SBF2: variants seen among roughly 807,000 people sequenced by gnomAD.
SBF2 encodes myotubularin-related protein 13.
Under a neutral mutation model 225.2 loss-of-function variants are expected in SBF2, and 112 were observed. The observed-to-expected ratio is 0.50, with a 90% CI of 0.43 to 0.58. SBF2 has a LOEUF of 0.58. Ranked by LOEUF, SBF2 falls within the 20% of genes least tolerant of loss-of-function variation. The pLI is 0.00. For synonymous variants in SBF2, 763 were observed against 773.3 expected (o/e 0.99, Z 0.22); for missense variants, 1,996 against 2,206.2 (o/e 0.90, Z 1.91).
intron 1 of SBF2, among the ~76,000 whole-genome samples, chr11:10,288,418 C>A (rs2135578784): frequency 6.6e-6 from 1 of 152,282 alleles, no homozygotes; most frequent in South Asian, 2.1e-4. Context: ...CAGCTCCTAG[C>A]AGAGAGGGTA....
intron 1 of SBF2, among the ~76,000 whole-genome samples, chr11:10,206,114 T>G (rs1037285988): frequency 6.0e-5 from 9 of 151,112 alleles, no homozygotes; most frequent in Admixed American, 2.0e-4. Flanking sequence ...CCACACAAAG[T>G]AGCCTGGTCC....
At chr11:9,974,296 C>T (rs1279412904) in intron 13 of SBF2, among the ~76,000 whole-genome samples, 2 of 152,028 alleles carry the variant, frequency 1.3e-5, no homozygotes, top group Admixed American at 6.5e-5. Context: ...TAATTATTTG[C>T]GATAAAGAGT....
In SBF2 at chr11:9,991,042, T is replaced by C. The variant is rs138334422; in HGVS notation, c.1296+1373A>G. On this transcript the variant is annotated intron_variant, in intron 12 of 39. Transcript: ENST00000256190. ...AAGAGTATATAAACCAATGTTACTA[T>C]TCATAAAGCTTCAAAGACTAACAAA... Among the ~76,000 whole-genome samples, 59 of 152,286 alleles carry C rather than the reference T, an allele frequency of 3.9e-4. 1 individual carries two copies. In the East Asian group the frequency reaches 9.8e-3, roughly 25 times the overall value.
chr11:9,910,548 G>A (rs112037969), intron 16 of SBF2, among the ~76,000 whole-genome samples: 9,702 of 152,126 alleles, frequency 0.064, 498 homozygotes, highest in East Asian at 0.28. Context: ...TATCACAGGA[G>A]ATGACAGCTC....
chr11:9,981,479 T>G (rs1028839134), intron 13 of SBF2, among the ~76,000 whole-genome samples: 1 of 152,224 alleles, frequency 6.6e-6, no homozygotes, highest in East Asian at 1.9e-4. Flanking sequence ...TAAAAAACGT[T>G]TGAAATCGGC....
At chr11:10,022,407 T>C (rs1272128628) in intron 6 of SBF2, among the ~76,000 whole-genome samples, 1 of 152,198 alleles carries the variant, frequency 6.6e-6, no homozygotes, top group African/African-American at 2.4e-5. Flanking sequence ...TTTAAAAATA[T>C]ATTAGTTATG....
chr11:10,207,517 T>C (rs1418031617), intron 1 of SBF2, among the ~76,000 whole-genome samples: 1 of 152,156 alleles, frequency 6.6e-6, no homozygotes, highest in East Asian at 1.9e-4. Flanking sequence ...TCTTCATGCT[T>C]ATTCCAACAA....
intron 2 of SBF2, among the ~76,000 whole-genome samples, chr11:10,092,580 G>T (rs1245264019): frequency 2.0e-5 from 3 of 152,298 alleles, no homozygotes; most frequent in African/African-American, 7.2e-5. Context: ...ATTTATCACA[G>T]ATCTGTTTTC....
intron 16 of SBF2, chr11:9,958,552 G>T (rs1386901244): frequency 5.9e-6 from 1 of 169,898 alleles, no homozygotes; most frequent in Non-Finnish European, 1.2e-5. Context: ...TAGAGACGGG[G>T]TTTCACCGTG....
intron 1 of SBF2, among the ~76,000 whole-genome samples, chr11:10,252,737 G>A (rs890411232): frequency 6.6e-6 from 1 of 151,186 alleles, no homozygotes; most frequent in African/African-American, 2.4e-5. Flanking sequence ...GTGCACCTGG[G>A]AGGCGGAGCT....
chr11:9,887,005 G>C (rs1860377979), intron 17 of SBF2, among the ~76,000 whole-genome samples: 1 of 152,042 alleles, frequency 6.6e-6, no homozygotes, highest in African/African-American at 2.4e-5. Context: ...GGTAGCATAG[G>C]ACATCAATGT....
intron 2 of SBF2, among the ~76,000 whole-genome samples, chr11:10,176,348 A>C (rs1591140666): frequency 6.6e-6 from 1 of 152,038 alleles, no homozygotes; most frequent in Middle Eastern, 3.4e-3. Flanking sequence ...ATCAGAGCAG[A>C]ACTGAAGGAA....
chr11:10,002,617 AAACTTGCAG>A lies in SBF2; in HGVS notation c.683_691del (p.Ser228_Ser230del). ...TCTACAAGCATCACTAAGTCTCTGG[AAACTTGCAG>A]AATGGAAGAGAACCTTATTTTCTGT... On this transcript the variant is annotated inframe_deletion, in exon 7 of 40. Coordinates refer to ENST00000256190, the MANE Select transcript of SBF2 (RefSeq NM_030962.4). The A allele has an allele frequency of 2.5e-6, 4 of 1,613,052 alleles. No homozygotes were observed. Among genetic ancestry groups the A allele is most frequent in the Non-Finnish European group, 3.4e-6 (4 of 1,179,054 alleles).
At chr11:9,943,548 T>C (rs1013193822) in intron 16 of SBF2, among the ~76,000 whole-genome samples, 1 of 151,328 alleles carries the variant, frequency 6.6e-6, no homozygotes, top group Non-Finnish European at 1.5e-5. Flanking sequence ...AAAGAAACAA[T>C]GCGAAAGAAA....
chr11:10,004,585 A>AG (rs1948108846), intron 6 of SBF2, among the ~76,000 whole-genome samples: 1 of 148,696 alleles, frequency 6.7e-6, no homozygotes, highest in Non-Finnish European at 1.5e-5. Context: ...AAAAAAAAAA[A>AG]AAAAAAAAAA....
intron 8 of SBF2, among the ~76,000 whole-genome samples, chr11:10,000,579 T>C (rs1300731944): frequency 1.3e-5 from 2 of 152,166 alleles, no homozygotes; most frequent in Non-Finnish European, 2.9e-5. Context: ...TCAAGACACG[T>C]CTCACTTCAA....
At chr11:10,216,152 T>C (rs1461871564) in intron 1 of SBF2, among the ~76,000 whole-genome samples, 1 of 152,060 alleles carries the variant, frequency 6.6e-6, no homozygotes, top group Admixed American at 6.5e-5. Context: ...TTACTCAAAA[T>C]CCTTAAGGGA....
At chr11:10,084,432 G>T (rs1951479424) in intron 2 of SBF2, among the ~76,000 whole-genome samples, 1 of 152,156 alleles carries the variant, frequency 6.6e-6, no homozygotes, top group Admixed American at 6.6e-5. Context: ...AAAAATAACA[G>T]ATGTTGGTGA....
At chr11:10,194,842 A>C (rs1198480223) in intron 1 of SBF2, among the ~76,000 whole-genome samples, 10 of 151,452 alleles carry the variant, frequency 6.6e-5, no homozygotes. Context: ...ATACGTATGA[A>C]AAGCTAAAAA....
Sources: gnomAD v4.1 joint callset for allele counts (sites outside exome capture counted in the v4.1 genomes callset) on GRCh38, gnomAD v4.1.1 for gene constraint, MANE v1.5 for transcripts, NCBI Gene and HGNC (gene_info 2026-07-23, HGNC 2026-07-21) for gene names.